Variants in LOC112694756 observed in about 807,000 individuals in gnomAD.
At chr16:30,063,835 T>C in the LOC112694756 span, 5 of 398,770 alleles carry the variant, frequency 1.3e-5, no homozygotes, top group Non-Finnish European at 2.2e-5. Context: ...GAGATCAAGC[T>C]CCGATGAGGA....
chr16:30,059,661 C>T, the LOC112694756 span, among the ~76,000 whole-genome samples: 3 of 148,786 alleles, frequency 2.0e-5, no homozygotes, highest in South Asian at 2.2e-4. Flanking sequence ...CCCCCAGGTT[C>T]GAGTGATTCT....
At chr16:30,064,224 C>T in the LOC112694756 span, 1 of 395,184 alleles carries the variant, frequency 2.5e-6, no homozygotes, top group Non-Finnish European at 4.5e-6. Flanking sequence ...ACACTCCGTC[C>T]ACGGACTCTC....
At chr16:30,067,209 C>T in the LOC112694756 span, 9 of 1,612,068 alleles carry the variant, frequency 5.6e-6, no homozygotes, top group Admixed American at 1.0e-4. Flanking sequence ...CTAACTAGTC[C>T]TTCCCCTCTG....
chr16:30,064,514 G>A, the LOC112694756 span: 3 of 398,616 alleles, frequency 7.5e-6, no homozygotes, highest in Admixed American at 8.8e-5. Context: ...CGGTGAGTGG[G>A]CAGGGGCTCC....
the LOC112694756 span, among the ~76,000 whole-genome samples, chr16:30,061,455 C>T: frequency 6.6e-6 from 1 of 151,268 alleles, no homozygotes; most frequent in Non-Finnish European, 1.5e-5. Context: ...GCTCCTGGCA[C>T]TGGGAGGCAG....
At chr16:30,067,644 G>A in the LOC112694756 span, 4 of 1,614,034 alleles carry the variant, frequency 2.5e-6, no homozygotes, top group East Asian at 4.5e-5. Flanking sequence ...ATCCAAGGGC[G>A]GTGTTGTGGG....
At chr16:30,066,561 G>C in the LOC112694756 span, among the ~76,000 whole-genome samples, 1 of 152,180 alleles carries the variant, frequency 6.6e-6, no homozygotes. Context: ...GCCCTTTCCT[G>C]GGCTTCTCCT....
chr16:30,062,974 A>G, the LOC112694756 span, among the ~76,000 whole-genome samples: 1 of 151,894 alleles, frequency 6.6e-6, no homozygotes, highest in Non-Finnish European at 1.5e-5. Context: ...TGAAACCCCC[A>G]TCTCTACTAC....
At chr16:30,064,412 T>G in the LOC112694756 span, 1 of 398,694 alleles carries the variant, frequency 2.5e-6, no homozygotes, top group Non-Finnish European at 4.4e-6. Context: ...CTCACCCCTT[T>G]CCTTCCCACA....
the LOC112694756 span, chr16:30,070,349 G>C: frequency 2.6e-6 from 2 of 771,100 alleles, no homozygotes; most frequent in Non-Finnish European, 4.5e-6. Flanking sequence ...GTGTGGTGTC[G>C]TCTGTGAATG....
the LOC112694756 span, chr16:30,069,731 A>G: frequency 3.1e-6 from 5 of 1,611,022 alleles, no homozygotes; most frequent in Non-Finnish European, 3.4e-6. Flanking sequence ...CCACAACCCT[A>G]TGCCCATTTG....
the LOC112694756 span, chr16:30,069,510 T>C: frequency 1.2e-6 from 2 of 1,614,140 alleles, no homozygotes; most frequent in Non-Finnish European, 1.7e-6. Flanking sequence ...TGCTGGCTGC[T>C]GTCTACAAGG....
the LOC112694756 span, chr16:30,067,251 C>T: frequency 6.2e-7 from 1 of 1,612,290 alleles, no homozygotes; most frequent in South Asian, 1.1e-5. Flanking sequence ...CTACTACCAG[C>T]ACCATGCCCT....
chr16:30,068,834 T>G, the LOC112694756 span: 1 of 1,614,256 alleles, frequency 6.2e-7, no homozygotes, highest in South Asian at 1.1e-5. Context: ...ATGGGCTGTC[T>G]GAGCGCTGTG....
the LOC112694756 span, chr16:30,067,260 C>T: frequency 1.9e-6 from 3 of 1,612,370 alleles, no homozygotes; most frequent in Admixed American, 1.7e-5. Context: ...GCACCATGCC[C>T]TACCAATATC....
the LOC112694756 span, among the ~76,000 whole-genome samples, chr16:30,066,431 G>A: frequency 6.6e-6 from 1 of 152,236 alleles, no homozygotes; most frequent in African/African-American, 2.4e-5. Flanking sequence ...GCAGCCATGC[G>A]AAGCGACGGG....
the LOC112694756 span, chr16:30,058,828 T>C: frequency 7.7e-6 from 3 of 391,144 alleles, no homozygotes; most frequent in South Asian, 1.4e-4. Flanking sequence ...CATTCATTCA[T>C]TCATTCATTC....
chr16:30,056,911 CTT>C, the LOC112694756 span, among the ~76,000 whole-genome samples: 15 of 137,520 alleles, frequency 1.1e-4, no homozygotes, highest in Admixed American at 1.5e-4. Flanking sequence ...TCTACTTGCC[CTT>C]TTTTTTTTTT....
the LOC112694756 span, chr16:30,069,685 A>G: frequency 3.6e-4 from 583 of 1,612,988 alleles, no homozygotes; most frequent in Non-Finnish European, 4.9e-4. Flanking sequence ...TGAGGCCCAC[A>G]CTCATCTTGA....
Sources: allele counts gnomAD v4.1 joint callset (sites outside exome capture counted in the v4.1 genomes callset), GRCh38; gene constraint gnomAD v4.1.1; transcripts MANE v1.5.